SPTLC1: variants seen among roughly 807,000 people sequenced by gnomAD.
The protein encoded by SPTLC1 is serine palmitoyltransferase 1.
Under a neutral mutation model 68.9 loss-of-function variants are expected in SPTLC1, and 55 were observed. The observed-to-expected ratio is 0.80, with a 90% CI of 0.64 to 1.00. SPTLC1 has a LOEUF of 1.00. Among genes scored for constraint, SPTLC1 ranks in the 50% least tolerant of loss-of-function variants. The probability of loss-of-function intolerance (pLI) is 0.00; values close to 1 mark genes in which losing one functional copy is unlikely to be tolerated. For missense variants in SPTLC1, 449 were observed against 573.1 expected (o/e 0.78, Z 2.21); for synonymous variants, 197 against 201.6 (o/e 0.98, Z 0.19).
chr9:92,088,248 ACCCACTGTCCTGCG>A (rs1188755019), intron 3 of SPTLC1, among the ~76,000 whole-genome samples: 1 of 152,220 alleles, frequency 6.6e-6, no homozygotes, highest in East Asian at 1.9e-4. Flanking sequence ...GGTGCGCTGC[ACCCACTGTCCTGCG>A]CCCACTGTCT....
intron 5 of SPTLC1, chr9:92,079,640 TAGAGCTGTTTCTC>T (rs1834807168): frequency 7.4e-7 from 1 of 1,348,178 alleles, no homozygotes; most frequent in Admixed American, 1.7e-5. Flanking sequence ...ACTTTCTTCC[TAGAGCTGTTTCTC>T]AGCCCCCTGC....
chr9:92,088,104 G>A (rs571995027), intron 3 of SPTLC1, among the ~76,000 whole-genome samples: 14 of 152,298 alleles, frequency 9.2e-5, no homozygotes, highest in South Asian at 2.1e-4. Context: ...TCGGAAAAGC[G>A]CAGTATTAGG....
At chr9:92,053,743 G>A (rs1234823575) in intron 8 of SPTLC1, among the ~76,000 whole-genome samples, 2 of 152,234 alleles carry the variant, frequency 1.3e-5, no homozygotes. Context: ...CAGATTGGTA[G>A]TTGCTGGGAG....
chr9:92,039,835 G>A (rs957704874), intron 12 of SPTLC1, among the ~76,000 whole-genome samples: 9 of 151,918 alleles, frequency 5.9e-5, no homozygotes, highest in Non-Finnish European at 1.0e-4. Flanking sequence ...ATTAATTAGC[G>A]TCTCCTTTCT....
chr9:92,061,041 T>C (rs76052800), intron 6 of SPTLC1, among the ~76,000 whole-genome samples: 3,434 of 152,156 alleles, frequency 0.023, 121 homozygotes, highest in African/African-American at 0.079. Flanking sequence ...ATTTGTGTCA[T>C]TGGAATTCCA....
chr9:92,106,489 A>G (rs1322331303), intron 3 of SPTLC1, among the ~76,000 whole-genome samples: 2 of 150,650 alleles, frequency 1.3e-5, no homozygotes, highest in Admixed American at 6.6e-5. Context: ...AAAAAAAAAA[A>G]AAAGTAAGAC....
chr9:92,053,834 A>G (rs939005111), intron 8 of SPTLC1: 12 of 534,172 alleles, frequency 2.2e-5, no homozygotes, highest in Middle Eastern at 1.9e-3. Flanking sequence ...TTTTTGACCT[A>G]AAGTTGATGG....
chr9:92,078,697 T>C (rs10118072), intron 5 of SPTLC1, among the ~76,000 whole-genome samples: 80,719 of 152,150 alleles, frequency 0.53, 24,616 homozygotes, highest in African/African-American at 0.85. Context: ...TCAAGCAATC[T>C]TCCCTTCTTG....
intron 12 of SPTLC1, among the ~76,000 whole-genome samples, chr9:92,040,144 T>C (rs1833290892): frequency 6.6e-6 from 1 of 151,430 alleles, no homozygotes; most frequent in African/African-American, 2.4e-5. Flanking sequence ...CCAAGGCAGG[T>C]AGATCACCTG....
chr9:92,053,896 G>C (rs1313146449), intron 8 of SPTLC1: 1 of 882,900 alleles, frequency 1.1e-6, no homozygotes, highest in Admixed American at 6.2e-5. Context: ...AATTTAAATT[G>C]GTTAATTTTG....
At position 92,051,875 on chromosome 9, in the gene SPTLC1, A is replaced by T. The variant is rs1833715067; in HGVS notation, c.781-1808T>A. Among the ~76,000 whole-genome samples the T allele has an allele frequency of 2.0e-5, 3 of 152,230 alleles. No homozygotes were observed. The South Asian group carries it at 6.2e-4, about 32-fold the overall frequency. On this transcript the variant is annotated intron_variant, in intron 8 of 14. Coordinates refer to ENST00000262554, the MANE Select transcript of SPTLC1 (RefSeq NM_006415.4). The stretch of plus-strand genomic sequence containing the variant: ...CATTTATAGTAGAATAAAAAAATCA[A>T]ATACTTAGTGATAAATTTAACCAAA...
intron 7 of SPTLC1, among the ~76,000 whole-genome samples, chr9:92,057,231 C>G (rs1244672110): frequency 6.6e-6 from 1 of 152,314 alleles, no homozygotes; most frequent in East Asian, 1.9e-4. Flanking sequence ...TGTGAGTATA[C>G]CATAAACTAC....
intron 5 of SPTLC1, among the ~76,000 whole-genome samples, chr9:92,074,809 T>TA (rs61270067): frequency 0.11 from 16,374 of 152,136 alleles, 1,910 homozygotes; most frequent in African/African-American, 0.3. Flanking sequence ...CTAACCCTTA[T>TA]ACTCTCCTAT....
intron 5 of SPTLC1, among the ~76,000 whole-genome samples, chr9:92,078,349 C>G (rs1186144141): frequency 4.6e-5 from 7 of 152,188 alleles, no homozygotes; most frequent in African/African-American, 1.7e-4. Flanking sequence ...CAATCAAAAA[C>G]CAAGCAAACA....
intron 3 of SPTLC1, among the ~76,000 whole-genome samples, chr9:92,098,490 C>G (rs1835623631): frequency 6.6e-6 from 1 of 152,050 alleles, no homozygotes; most frequent in Non-Finnish European, 1.5e-5. Context: ...CTTTCACTAT[C>G]AACAAAACAA....
chr9:92,058,814 A>AATCATTCT (rs1487327317), intron 7 of SPTLC1, among the ~76,000 whole-genome samples: 14 of 152,344 alleles, frequency 9.2e-5, no homozygotes, highest in Non-Finnish European at 1.8e-4. Context: ...GGTATGAATA[A>AATCATTCT]GCCTATTCTG....
At chr9:92,053,609 T>C (rs950805752) in intron 8 of SPTLC1, among the ~76,000 whole-genome samples, 1 of 152,172 alleles carries the variant, frequency 6.6e-6, no homozygotes, top group Non-Finnish European at 1.5e-5. Flanking sequence ...TACTGATACA[T>C]GGTATACAAT....
chr9:92,067,990 G>C lies in SPTLC1; in HGVS notation c.536C>G (p.Ser179Cys). 1 of 1,614,086 alleles carries C rather than the reference G, an allele frequency of 6.2e-7. No homozygotes were observed. The highest frequency in any genetic ancestry group is 8.5e-7 in the Non-Finnish European group (1 of 1,179,986). The change falls in exon 6 of 15, where the codon TCT (serine) becomes TGT (cysteine). Residue 179 changes from serine (S) to cysteine (C), a missense_variant. This residue lies in a region of SPTLC1 where 391 missense variants were observed against 472.1 expected (regional missense o/e 0.83). Coordinates refer to ENST00000262554, the MANE Select transcript of SPTLC1 (RefSeq NM_006415.4). ...ATIASAIPAY[S>C]KRGDIVFVDR... ...CACAAAAACAATGTCCCCTCTTTTAGAGTAAGCAGGAATAGCACTGGCTAT... is the reference window on the plus strand; with the variant it reads ...CACAAAAACAATGTCCCCTCTTTTACAGTAAGCAGGAATAGCACTGGCTAT...
At chr9:92,082,413 C>G (rs1834919635) in intron 3 of SPTLC1, among the ~76,000 whole-genome samples, 1 of 136,612 alleles carries the variant, frequency 7.3e-6, no homozygotes, top group Non-Finnish European at 1.5e-5. Flanking sequence ...CAACAGTCCC[C>G]AGAGTGTGAT....
Sources: gnomAD v4.1 joint callset for allele counts (sites outside exome capture counted in the v4.1 genomes callset) on GRCh38, gnomAD v4.1.1 for gene constraint, gnomAD v4.1.1 regional missense constraint, MANE v1.5 for transcripts, NCBI Gene and HGNC (gene_info 2026-07-23, HGNC 2026-07-21) for gene names.